EYS: variants seen among roughly 807,000 people sequenced by gnomAD.
EYS encodes the protein EGF-like photoreceptor maintenance factor.
EYS carries 250 observed loss-of-function variants against 282.1 expected under a neutral mutation model. That is an observed-to-expected ratio of 0.89 (90% CI 0.80 to 0.98). The LOEUF (loss-of-function observed/expected upper bound fraction) is 0.98, where lower values mean the gene tolerates loss of function less well. Ranked by LOEUF, EYS falls within the 50% of genes least tolerant of loss-of-function variation. The pLI is 0.00. For synonymous variants in EYS, 1,355 were observed against 1,282.9 expected (o/e 1.06, Z -1.20); for missense variants, 4,016 against 3,709.0 (o/e 1.08, Z -2.15).
At chr6:65,684,484 GCAGAAATGTATAGACGCTATATGGTA>G in intron 1 of EYS, among the ~76,000 whole-genome samples, 1 of 152,112 alleles carries the variant, frequency 6.6e-6, no homozygotes, top group South Asian at 2.1e-4. Flanking sequence ...TTGCTGAGCT[GCAGAAATGTATAGACGCTATATGGTA>G]CAGAAATGAA....
chr6:63,942,644 T>C (rs1040689940), intron 35 of EYS, among the ~76,000 whole-genome samples: 1 of 152,148 alleles, frequency 6.6e-6, no homozygotes, highest in Non-Finnish European at 1.5e-5. Context: ...GGCCCTTCCA[T>C]GATATGGACA....
chr6:64,475,658 C>T (rs951322502), intron 26 of EYS, among the ~76,000 whole-genome samples: 4 of 151,892 alleles, frequency 2.6e-5, no homozygotes, highest in African/African-American at 4.8e-5. Flanking sequence ...ATGATTGTGT[C>T]CTCGGCCCAA....
chr6:63,813,476 T>C (rs758761090), intron 36 of EYS, among the ~76,000 whole-genome samples: 9 of 152,228 alleles, frequency 5.9e-5, no homozygotes, highest in Non-Finnish European at 1.2e-4. Flanking sequence ...ACAAAATATA[T>C]GTATGATACC....
intron 22 of EYS, among the ~76,000 whole-genome samples, chr6:64,764,808 G>T (rs1447361998): frequency 6.6e-6 from 1 of 152,112 alleles, no homozygotes; most frequent in Non-Finnish European, 1.5e-5. Context: ...GTATGATCTT[G>T]GCTCACTGCA....
intron 29 of EYS, among the ~76,000 whole-genome samples, chr6:64,331,129 T>C (rs998662023): frequency 6.6e-6 from 1 of 152,162 alleles, no homozygotes; most frequent in Non-Finnish European, 1.5e-5. Flanking sequence ...AGAGCTGAGC[T>C]AATAGCTCTC....
At chr6:64,845,263 C>G (rs1211102790) in intron 19 of EYS, among the ~76,000 whole-genome samples, 1 of 151,746 alleles carries the variant, frequency 6.6e-6, no homozygotes, top group African/African-American at 2.4e-5. Flanking sequence ...TACACTCCTG[C>G]CTGGGTGACA....
chr6:65,015,720 T>C (rs900727025), intron 13 of EYS, among the ~76,000 whole-genome samples: 1 of 151,520 alleles, frequency 6.6e-6, no homozygotes, highest in Non-Finnish European at 1.5e-5. Context: ...ATTCAGAAAA[T>C]AAAAAATGCT....
At chr6:65,599,906 G>T (rs1765556266) in intron 2 of EYS, among the ~76,000 whole-genome samples, 3 of 152,008 alleles carry the variant, frequency 2.0e-5, no homozygotes, top group South Asian at 2.1e-4. Context: ...GGTTTCCAAA[G>T]AATTGGTTAT....
chr6:65,521,537 C>T (rs190786359), intron 2 of EYS, among the ~76,000 whole-genome samples: 55 of 151,984 alleles, frequency 3.6e-4, no homozygotes, highest in Non-Finnish European at 6.2e-4. Context: ...GTTAAAAAAC[C>T]CCTCTATCCC....
intron 22 of EYS, among the ~76,000 whole-genome samples, chr6:64,781,173 G>C (rs1370370140): frequency 2.0e-5 from 3 of 152,124 alleles, no homozygotes; most frequent in Non-Finnish European, 2.9e-5. Context: ...AGGATACCCA[G>C]TTAAATGTGA....
At chr6:63,856,827 A>T (rs566863680) in intron 36 of EYS, among the ~76,000 whole-genome samples, 285 of 152,306 alleles carry the variant, frequency 1.9e-3, no homozygotes, top group Non-Finnish European at 3.3e-3. Flanking sequence ...AATTTATCAA[A>T]TCTATTAGAC....
intron 39 of EYS, among the ~76,000 whole-genome samples, chr6:63,783,360 T>C (rs1276097395): frequency 6.6e-6 from 1 of 152,190 alleles, no homozygotes; most frequent in South Asian, 2.1e-4. Context: ...AAGTAGCAAC[T>C]ATTACACCTG....
intron 16 of EYS, among the ~76,000 whole-genome samples, chr6:64,907,371 T>C (rs1334565335): frequency 6.6e-6 from 1 of 152,190 alleles, no homozygotes; most frequent in East Asian, 1.9e-4. Flanking sequence ...TATTTTATAT[T>C]TGATTTCTAC....
intron 31 of EYS, among the ~76,000 whole-genome samples, chr6:64,124,756 TATAA>T (rs542165062): frequency 3.4e-4 from 52 of 152,312 alleles, no homozygotes; most frequent in African/African-American, 1.1e-3. Context: ...CATTGTATCA[TATAA>T]ATAAAACTCT....
chr6:65,332,829 A>G (rs1434725575), intron 11 of EYS, among the ~76,000 whole-genome samples: 2 of 151,396 alleles, frequency 1.3e-5, no homozygotes, highest in Non-Finnish European at 3.0e-5. Flanking sequence ...TACTTGTTAT[A>G]GGTTAGATTT....
At chr6:64,182,901 G>C (rs1286945219) in intron 31 of EYS, among the ~76,000 whole-genome samples, 1 of 151,998 alleles carries the variant, frequency 6.6e-6, no homozygotes, top group Non-Finnish European at 1.5e-5. Flanking sequence ...CATCTTTTGG[G>C]CCTTGGCTGA....
At chr6:65,541,916 C>T (rs779919716) in intron 2 of EYS, among the ~76,000 whole-genome samples, 1 of 151,946 alleles carries the variant, frequency 6.6e-6, no homozygotes, top group Non-Finnish European at 1.5e-5. Flanking sequence ...AATGCAATTA[C>T]CTGGGAACCT....
chr6:65,030,989 A>T (rs148509910), intron 13 of EYS, among the ~76,000 whole-genome samples: 88 of 152,226 alleles, frequency 5.8e-4, no homozygotes, highest in African/African-American at 2.0e-3. Context: ...AAAAAAGAGC[A>T]GAGGTTGCTA....
At chr6:65,330,124 T>C in intron 11 of EYS, 1 of 982,004 alleles carries the variant, frequency 1.0e-6, no homozygotes, top group Non-Finnish European at 1.2e-6. Flanking sequence ...GTGTTCACTT[T>C]CTAAATGAAA....
Sources: gnomAD v4.1 joint callset for allele counts (sites outside exome capture counted in the v4.1 genomes callset) on GRCh38, gnomAD v4.1.1 for gene constraint, MANE v1.5 for transcripts, NCBI Gene and HGNC (gene_info 2026-07-23, HGNC 2026-07-21) for gene names.